Variants in NHLRC2 observed in about 807,000 individuals in gnomAD.
The protein encoded by NHLRC2 is NHL repeat-containing protein 2.
Under a neutral mutation model 68.1 loss-of-function variants are expected in NHLRC2, and 33 were observed. That is an observed-to-expected ratio of 0.48 (90% CI 0.37 to 0.65). NHLRC2 has a LOEUF of 0.65. Among genes scored for constraint, NHLRC2 ranks in the 30% least tolerant of loss-of-function variants. NHLRC2 has a pLI of 0.00. For missense variants in NHLRC2, 761 were observed against 853.8 expected (o/e 0.89, Z 1.35); for synonymous variants, 311 against 309.6 (o/e 1.00, Z -0.05).
chr10:113,893,998 C>G (rs1216559353), intron 5 of NHLRC2, among the ~76,000 whole-genome samples: 3 of 152,138 alleles, frequency 2.0e-5, no homozygotes, highest in African/African-American at 7.2e-5. Context: ...CAAACCAGTT[C>G]AGAAGGAATT....
chr10:113,856,439 T>C (rs1465443965), intron 1 of NHLRC2, among the ~76,000 whole-genome samples: 1 of 152,096 alleles, frequency 6.6e-6, no homozygotes, highest in East Asian at 1.9e-4. Flanking sequence ...ATTTGAAATA[T>C]TGTGGAATTC....
intron 1 of NHLRC2, among the ~76,000 whole-genome samples, chr10:113,855,642 G>GTT (rs1438398147): frequency 1.3e-5 from 2 of 148,664 alleles, no homozygotes; most frequent in East Asian, 3.9e-4. Context: ...TAGTTGTTTT[G>GTT]TTTTGTTTTG....
intron 5 of NHLRC2, among the ~76,000 whole-genome samples, chr10:113,886,023 C>T (rs1033355454): frequency 6.6e-6 from 1 of 151,890 alleles, no homozygotes; most frequent in Non-Finnish European, 1.5e-5. Context: ...ACTATTAGAG[C>T]TGATAAATTT....
chr10:113,879,971 A>G (rs978080664), intron 4 of NHLRC2, among the ~76,000 whole-genome samples: 34 of 152,052 alleles, frequency 2.2e-4, no homozygotes, highest in Admixed American at 1.6e-3. Flanking sequence ...ATTTTGAAGT[A>G]TCTTCCTAAC....
chr10:113,889,810 C>T (rs1846115450), intron 5 of NHLRC2, among the ~76,000 whole-genome samples: 1 of 152,152 alleles, frequency 6.6e-6, no homozygotes, highest in African/African-American at 2.4e-5. Flanking sequence ...TGTCTGGCTT[C>T]TTCCATTTAG....
chr10:113,880,394 T>C (rs1846026098), intron 4 of NHLRC2, among the ~76,000 whole-genome samples: 1 of 151,954 alleles, frequency 6.6e-6, no homozygotes, highest in Non-Finnish European at 1.5e-5. Flanking sequence ...CTGAATGATA[T>C]GACTGTATCA....
At chr10:113,883,825 G>T (rs1377663912) in intron 4 of NHLRC2, among the ~76,000 whole-genome samples, 2 of 151,902 alleles carry the variant, frequency 1.3e-5, no homozygotes, top group African/African-American at 4.8e-5. Context: ...TGGTTGGCTT[G>T]CTCACTATTG....
At position 113,884,572 on chromosome 10, in the gene NHLRC2, G is replaced by A. The variant is rs188281452; in HGVS notation, c.1039+192G>A. 5.3e-3 allele frequency among the ~76,000 whole-genome samples: 801 copies of A among 151,014 alleles called. 6 individuals are homozygous for A. Among genetic ancestry groups the A allele is most frequent in the African/African-American group, 0.018 (750 of 41,328 alleles). On this transcript the variant is annotated intron_variant, in intron 5 of 10. Coordinates refer to ENST00000369301, the MANE Select transcript of NHLRC2 (RefSeq NM_198514.4). ...TATAGATATATATATACTAGAGTAT[G>A]TATTATATATATTACATATTTTATC...
chr10:113,873,981 T>C (rs940173201), intron 2 of NHLRC2, among the ~76,000 whole-genome samples: 1 of 152,242 alleles, frequency 6.6e-6, no homozygotes, highest in Non-Finnish European at 1.5e-5. Flanking sequence ...CTTTTAATAA[T>C]GAGTTAAGCC....
chr10:113,899,114 G>A (rs114147139), intron 6 of NHLRC2, among the ~76,000 whole-genome samples: 1,784 of 151,760 alleles, frequency 0.012, 45 homozygotes, highest in African/African-American at 0.04. Context: ...GCCCCAACCC[G>A]CTGCCCCTTC....
chr10:113,893,812 C>G (rs186038937), intron 5 of NHLRC2, among the ~76,000 whole-genome samples: 2 of 152,208 alleles, frequency 1.3e-5, no homozygotes, highest in African/African-American at 4.8e-5. Context: ...TATGCACCAA[C>G]ATAGCTCTCC....
intron 2 of NHLRC2, among the ~76,000 whole-genome samples, chr10:113,862,853 A>G (rs1845829877): frequency 6.6e-6 from 1 of 152,226 alleles, no homozygotes; most frequent in Admixed American, 6.5e-5. Flanking sequence ...TATACTAATA[A>G]AAAGCCCAAG....
At chr10:113,875,496 G>A (rs1348259428) in intron 2 of NHLRC2, among the ~76,000 whole-genome samples, 1 of 152,046 alleles carries the variant, frequency 6.6e-6, no homozygotes, top group African/African-American at 2.4e-5. Context: ...TGGAGTTTTG[G>A]CTCTCCATAC....
At chr10:113,866,605 T>C (rs944890023) in intron 2 of NHLRC2, among the ~76,000 whole-genome samples, 4 of 152,138 alleles carry the variant, frequency 2.6e-5, no homozygotes, top group African/African-American at 9.7e-5. Context: ...TCATATAGTA[T>C]ATGCTTTTTT....
chr10:113,858,202 G>A (rs974445115), intron 1 of NHLRC2, among the ~76,000 whole-genome samples: 6 of 151,062 alleles, frequency 4.0e-5, no homozygotes, highest in African/African-American at 1.5e-4. Context: ...TCCCCCACCC[G>A]TACCCCCATC....
In NHLRC2 at chr10:113,877,117, T is replaced by G; in HGVS notation, c.787+141T>G. On this transcript the variant is annotated intron_variant, in intron 3 of 10. Coordinates refer to ENST00000369301, the MANE Select transcript of NHLRC2 (RefSeq NM_198514.4). ...ATTGACTTAATTTCCTAATAAAAAT[T>G]TTTTGTTAATTAATATGATGTCTGA... 5.8e-6 allele frequency: 3 copies of G among 519,104 alleles called. No homozygotes were observed. The South Asian group carries it at 1.1e-4, about 18-fold the overall frequency. 32.2% of individuals were successfully genotyped at this position (519,104 alleles called of 1,614,324 possible).
rs1192947957 is a variant in NHLRC2, at chr10:113,909,858, GCTTCC to G, written c.*1330_*1334del. The G allele has an allele frequency of 2.6e-5, 4 of 152,226 alleles. No individual in the cohort carries two copies. The East Asian group carries it at 7.7e-4, about 29-fold the overall frequency. The allele number at this position is 152,226 out of a possible 1,614,324, so 9.4% of individuals were successfully genotyped here. ...ATTTATAGACAATATGGCATAATAT[GCTTCC>G]CTTCCCTGTAAAAACAGTGCTAAAT... On this transcript the variant is annotated 3_prime_UTR_variant, in exon 11 of 11. Coordinates refer to ENST00000369301, the MANE Select transcript of NHLRC2 (RefSeq NM_198514.4).
chr10:113,856,932 C>A (rs114902047), intron 1 of NHLRC2, among the ~76,000 whole-genome samples: 1 of 152,244 alleles, frequency 6.6e-6, no homozygotes, highest in African/African-American at 2.4e-5. Flanking sequence ...TCACAGAGAC[C>A]TGGAATTAGA....
At chr10:113,894,500 G>A (rs546281391) in intron 5 of NHLRC2, among the ~76,000 whole-genome samples, 1 of 152,124 alleles carries the variant, frequency 6.6e-6, no homozygotes, top group Non-Finnish European at 1.5e-5. Context: ...TGAAGATTTT[G>A]TGTGCATAGT....
Sources: allele counts gnomAD v4.1 joint callset (sites outside exome capture counted in the v4.1 genomes callset), GRCh38; gene constraint gnomAD v4.1.1; transcripts MANE v1.5; gene names NCBI Gene and HGNC (gene_info 2026-07-23, HGNC 2026-07-21).